The following DNAH14 variants were observed in gnomAD, a reference collection of about 807,000 sequenced individuals.
The protein encoded by DNAH14 is dynein axonemal heavy chain 14.
Under a neutral mutation model 520.9 loss-of-function variants are expected in DNAH14, and 478 were observed. That is an observed-to-expected ratio of 0.92 (90% CI 0.85 to 0.99). The LOEUF is 0.99. DNAH14 is among the 50% of genes least tolerant of loss of function. The pLI, the probability that DNAH14 is intolerant of heterozygous loss-of-function variation, is 0.00. For synonymous variants in DNAH14, 1,581 were observed against 1,757.2 expected, an observed-to-expected ratio of 0.90 and a Z score of 2.51; for missense variants, 4,831 against 5,234.5, an observed-to-expected ratio of 0.92 and a Z score of 2.38.
intron 8 of DNAH14, among the ~76,000 whole-genome samples, chr1:224,997,367 T>C (rs2147742381): frequency 6.6e-6 from 1 of 152,316 alleles, no homozygotes; most frequent in Non-Finnish European, 1.5e-5. Context: ...CTGAGCCATC[T>C]TGGGGAAAGG....
chr1:225,129,391 G>A (rs1377096903), intron 27 of DNAH14, among the ~76,000 whole-genome samples: 2 of 151,276 alleles, frequency 1.3e-5, no homozygotes, highest in South Asian at 4.2e-4. Context: ...CAAAGCTGGA[G>A]GCATCACGCT....
chr1:225,007,616 C>A, intron 10 of DNAH14, 72 bp downstream of exon 10: 1 of 1,264,894 alleles, frequency 7.9e-7, no homozygotes, highest in Non-Finnish European at 1.0e-6. Flanking sequence ...CAAATTGCAT[C>A]CCTGGAAAAA....
chr1:225,100,894 T>C lies in DNAH14; in HGVS notation c.3867+10T>C, dbSNP rs779043955. 13 of 1,480,964 alleles carry C rather than the reference T, an allele frequency of 8.8e-6. No homozygotes were observed. Among genetic ancestry groups the C allele is most frequent in the African/African-American group, 1.4e-5 (1 of 69,104 alleles). 91.7% of individuals were successfully genotyped at this position (1,480,964 alleles called of 1,614,324 possible). A position where few individuals can be genotyped will look rare whatever the true frequency, so the allele number is the denominator to read the frequency against. On this transcript the variant is annotated intron_variant, in intron 23 of 85. Transcript: ENST00000682510. ...AAAGAAAAGCCTTGAGGTAAAACTATAGCAATTCTAAAGCAGTGAATCATT... is the reference window on the plus strand; with the variant it reads ...AAAGAAAAGCCTTGAGGTAAAACTACAGCAATTCTAAAGCAGTGAATCATT...
intron 66 of DNAH14, among the ~76,000 whole-genome samples, chr1:225,336,596 A>G (rs962888519): frequency 1.3e-5 from 2 of 152,206 alleles, no homozygotes; most frequent in Non-Finnish European, 2.9e-5. Context: ...TTTGAACAAC[A>G]TGAGCAACAA....
At chr1:225,164,776 T>C (rs928057664) in intron 35 of DNAH14, among the ~76,000 whole-genome samples, 4 of 152,146 alleles carry the variant, frequency 2.6e-5, no homozygotes, top group Non-Finnish European at 5.9e-5. Context: ...TAGTACACTC[T>C]TTGGTCTTCC....
Position 225,303,148 on chromosome 1 carries a change from AT to A in DNAH14, c.8632-4del. The A allele has an allele frequency of 6.9e-7, 1 of 1,450,866 alleles. No homozygotes were observed. Among genetic ancestry groups the A allele is most frequent in the South Asian group, 1.4e-5 (1 of 70,916 alleles). 89.9% of individuals were successfully genotyped at this position (1,450,866 alleles called of 1,614,324 possible). A position where few individuals can be genotyped will look rare whatever the true frequency, so the allele number is the denominator to read the frequency against. ...ATTTTAACAATTTATATTTTCATTA[AT>A]TTTCAGAGAATATATAAAAATCTTC... On this transcript the variant is annotated splice_polypyrimidine_tract_variant and splice_region_variant and intron_variant, in intron 56 of 85. Transcript: ENST00000682510.
intron 17 of DNAH14, among the ~76,000 whole-genome samples, chr1:225,055,465 C>G (rs1019021856): frequency 5.9e-5 from 9 of 152,162 alleles, no homozygotes; most frequent in African/African-American, 1.4e-4. Flanking sequence ...ATCCTCCCAC[C>G]TGAGCCTCCA....
At chr1:225,103,915 T>A (rs2148757581) in intron 23 of DNAH14, among the ~76,000 whole-genome samples, 1 of 142,036 alleles carries the variant, frequency 7.0e-6, no homozygotes, top group South Asian at 2.3e-4. Context: ...TGGCCAGAAC[T>A]TCCAACACTA....
At chr1:225,272,522 T>C (rs1221445055) in intron 51 of DNAH14, among the ~76,000 whole-genome samples, 1 of 152,230 alleles carries the variant, frequency 6.6e-6, no homozygotes, top group Non-Finnish European at 1.5e-5. Context: ...TTTGATACCT[T>C]TCTCCCCTAA....
At chr1:225,090,752 C>G (rs764857739) in intron 21 of DNAH14, among the ~76,000 whole-genome samples, 7 of 152,078 alleles carry the variant, frequency 4.6e-5, no homozygotes, top group African/African-American at 1.2e-4. Context: ...GACCTAAATG[C>G]AAAACCTAAA....
chr1:225,325,436 G>A (rs1344312227), intron 64 of DNAH14, among the ~76,000 whole-genome samples: 1 of 149,208 alleles, frequency 6.7e-6, no homozygotes, highest in Non-Finnish European at 1.5e-5. Context: ...AGTGTGCCGA[G>A]ATTGAACCAT....
chr1:225,386,009 G>C (rs138181820), intron 81 of DNAH14, among the ~76,000 whole-genome samples: 1 of 152,062 alleles, frequency 6.6e-6, no homozygotes, highest in Non-Finnish European at 1.5e-5. Context: ...CCAAAACAGC[G>C]TGGTACTGGT....
At chr1:225,136,602 C>T (rs984788196) in intron 27 of DNAH14, among the ~76,000 whole-genome samples, 1 of 152,014 alleles carries the variant, frequency 6.6e-6, no homozygotes, top group Admixed American at 6.6e-5. Flanking sequence ...TCATTTTGAC[C>T]ATGGAGAATC....
chr1:225,146,734 T>C (rs1227520087), intron 30 of DNAH14, among the ~76,000 whole-genome samples: 2 of 152,208 alleles, frequency 1.3e-5, no homozygotes, highest in African/African-American at 4.8e-5. Context: ...TTTACGCCCA[T>C]CTGCCAGAAA....
chr1:225,025,315 G>A (rs951464262), intron 11 of DNAH14, among the ~76,000 whole-genome samples: 1 of 140,770 alleles, frequency 7.1e-6, no homozygotes, highest in African/African-American at 2.5e-5. Flanking sequence ...CTGGTCAACA[G>A]AGTGAGATCT....
rs2095781416 is a variant in DNAH14, at chr1:225,381,390, C to A, written c.12888C>A (p.Asp4296Glu). The A allele has an allele frequency of 6.5e-7, 1 of 1,534,706 alleles. No homozygotes were observed. Among genetic ancestry groups the A allele is most frequent in the African/African-American group, 1.4e-5 (1 of 71,816 alleles). Reference sequence around the variant, plus strand: ...TTTCTTTTTAAAATCCAGATCACGACCCCCTTATCCATTGTGTCTTGCTAA... The same window carrying A: ...TTTCTTTTTAAAATCCAGATCACGAACCCCTTATCCATTGTGTCTTGCTAA... ...ESLSKNLKDH[D>E]PLIHCVLLTF... Residue 4296 changes from aspartate (D) to glutamate (E), a missense_variant, in exon 81 of 86, where the codon GAC (aspartate) becomes GAA (glutamate). Transcript: ENST00000682510.
At chr1:225,295,257 TG>T (rs1288278444) in intron 55 of DNAH14, among the ~76,000 whole-genome samples, 4 of 152,206 alleles carry the variant, frequency 2.6e-5, no homozygotes, top group African/African-American at 9.6e-5. Flanking sequence ...TCATTTATTT[TG>T]CTGTGATTTT....
chr1:225,090,617 A>T (rs2074291484), intron 21 of DNAH14, among the ~76,000 whole-genome samples: 1 of 152,170 alleles, frequency 6.6e-6, no homozygotes, highest in Admixed American at 6.5e-5. Flanking sequence ...TAATTCAGAG[A>T]AAAAACAGCC....
chr1:225,156,915 C>CCCT lies in DNAH14; in HGVS notation c.5274-2398_5274-2397insCTC, dbSNP rs1203474151. On this transcript the variant is annotated intron_variant, in intron 34 of 85. Coordinates refer to ENST00000682510, the MANE Select transcript of DNAH14 (RefSeq NM_001367479.1). ...TATTTTTAGTAGAGACGGGGTTTCA[C>CCCT]CGTTTTAGCCGGGATGGTCTCGATC... Among the ~76,000 whole-genome samples the CCCT allele has an allele frequency of 1.7e-5, 2 of 115,078 alleles. 1 individual carries two copies. Among genetic ancestry groups the CCCT allele is most frequent in the African/African-American group, 7.2e-5 (2 of 27,640 alleles). The allele number at this position is 115,078 out of a possible 152,430, so 75.5% of individuals were successfully genotyped here. A position where few individuals can be genotyped will look rare whatever the true frequency, so the allele number is the denominator to read the frequency against.
Sources: gnomAD v4.1 joint callset for allele counts (sites outside exome capture counted in the v4.1 genomes callset) on GRCh38, gnomAD v4.1.1 for gene constraint, MANE v1.5 for transcripts, NCBI Gene and HGNC (gene_info 2026-07-23, HGNC 2026-07-21) for gene names.